The following ANKS1B variants were observed in gnomAD, a reference collection of about 807,000 sequenced individuals.
ANKS1B encodes the protein ankyrin repeat and sterile alpha motif domain containing 1B.
Under a neutral mutation model 148.3 loss-of-function variants are expected in ANKS1B, and 36 were observed. The ratio of observed to expected loss-of-function variants is 0.24; its 90% CI spans 0.19 to 0.32. ANKS1B has a LOEUF of 0.32. Among genes scored for constraint, ANKS1B ranks in the 10% least tolerant of loss-of-function variants. The probability of loss-of-function intolerance (pLI) is 1.00; values close to 1 mark genes in which losing one functional copy is unlikely to be tolerated. For synonymous variants in ANKS1B, 542 were observed against 560.8 expected, an observed-to-expected ratio of 0.97 and a Z score of 0.47; for missense variants, 1,157 against 1,542.6, an observed-to-expected ratio of 0.75 and a Z score of 4.19.
chr12:98,832,069 T>A lies in ANKS1B; in HGVS notation c.2846A>T (p.Asp949Val), dbSNP rs1490761916. The change falls in exon 18 of 27, where the codon GAC becomes GTC. Residue 949 changes from aspartate (D) to valine (V), a missense_variant. By Grantham distance (152) the Asp-to-Val change is radical. Transcript: ENST00000683438. ...CCGAGGGGGCTTCTGTGGGGGATCG[T>A]CGTGCAGCCTGTCTCCCAGAGATGC... ...ILASLGDRLH[D>V]DPPQKPPRSI... is the part of the protein sequence containing the mutation. 6.3e-7 allele frequency: 1 copy of A among 1,598,708 alleles called. No homozygotes were observed. Among genetic ancestry groups the A allele is most frequent in the Non-Finnish European group, 8.5e-7 (1 of 1,172,448 alleles).
intron 1 of ANKS1B, among the ~76,000 whole-genome samples, chr12:99,945,932 C>T (rs916162513): frequency 6.6e-6 from 1 of 152,058 alleles, no homozygotes; most frequent in African/African-American, 2.4e-5. Context: ...TGTTTGGCTC[C>T]CCGAACCTGC....
intron 9 of ANKS1B, among the ~76,000 whole-genome samples, chr12:99,571,650 T>G (rs79211346): frequency 1.3e-5 from 2 of 152,092 alleles, no homozygotes; most frequent in African/African-American, 4.8e-5. Flanking sequence ...ATCCAGAACA[T>G]TGGGGAATAC....
At chr12:99,450,395 G>C (rs964959859) in intron 10 of ANKS1B, among the ~76,000 whole-genome samples, 1 of 152,178 alleles carries the variant, frequency 6.6e-6, no homozygotes, top group African/African-American at 2.4e-5. Context: ...TCACGGACTA[G>C]TTAAGTTGAA....
At chr12:99,415,505 T>G (rs990631181) in intron 11 of ANKS1B, among the ~76,000 whole-genome samples, 2 of 152,206 alleles carry the variant, frequency 1.3e-5, no homozygotes, top group Admixed American at 1.3e-4. Flanking sequence ...ATAGCTTAAT[T>G]TTTTAATTAA....
intron 2 of ANKS1B, among the ~76,000 whole-genome samples, chr12:99,824,698 C>G (rs890404832): frequency 9.2e-5 from 14 of 151,994 alleles, no homozygotes; most frequent in African/African-American, 3.4e-4. Context: ...GGATACCTAG[C>G]TAAAATACTG....
chr12:99,026,615 A>T (rs1178155161), intron 17 of ANKS1B, among the ~76,000 whole-genome samples: 1 of 11,174 alleles, frequency 8.9e-5, no homozygotes, highest in Non-Finnish European at 1.4e-3. Context: ...GAAATGCATT[A>T]AAAATTAAAA....
chr12:99,512,397 A>G (rs1286905237), intron 9 of ANKS1B, among the ~76,000 whole-genome samples: 1 of 152,036 alleles, frequency 6.6e-6, no homozygotes, highest in Non-Finnish European at 1.5e-5. Flanking sequence ...AAGTCAAGAA[A>G]CAACAGATGC....
Position 99,436,084 on chromosome 12 carries a change from T to A in ANKS1B, c.1575+7589A>T, listed in dbSNP as rs1034881532. 2.0e-5 allele frequency among the ~76,000 whole-genome samples: 3 copies of A among 152,046 alleles called. No homozygotes were observed. The South Asian group carries it at 6.2e-4, about 32-fold the overall frequency. Reference sequence around the variant, plus strand: ...TCAGCTTTTGTTGCAAGTCTGGAAATTACTGAATACAGTCTTCTTTGGCTC... The same window carrying A: ...TCAGCTTTTGTTGCAAGTCTGGAAAATACTGAATACAGTCTTCTTTGGCTC... On this transcript the variant is annotated intron_variant, in intron 11 of 26. Transcript: ENST00000683438.
chr12:99,297,468 T>C (rs905557262), intron 12 of ANKS1B, among the ~76,000 whole-genome samples: 1 of 152,226 alleles, frequency 6.6e-6, no homozygotes, highest in Non-Finnish European at 1.5e-5. Context: ...CTTCATTCAT[T>C]GAACCCACCA....
At chr12:99,871,015 T>C (rs2091445905) in intron 1 of ANKS1B, among the ~76,000 whole-genome samples, 1 of 152,202 alleles carries the variant, frequency 6.6e-6, no homozygotes, top group Admixed American at 6.5e-5. Flanking sequence ...ATGTCCAAGA[T>C]ACTGTTTCCA....
chr12:99,887,671 C>A (rs1196016339), intron 1 of ANKS1B, among the ~76,000 whole-genome samples: 1 of 152,188 alleles, frequency 6.6e-6, no homozygotes, highest in African/African-American at 2.4e-5. Context: ...AACATTAAAT[C>A]TATGATACAG....
At chr12:98,810,707 C>T (rs1307267509) in intron 19 of ANKS1B, among the ~76,000 whole-genome samples, 2 of 152,218 alleles carry the variant, frequency 1.3e-5, no homozygotes, top group African/African-American at 4.8e-5. Flanking sequence ...TGGTTACTCC[C>T]AAAGGGGCCA....
intron 14 of ANKS1B, among the ~76,000 whole-genome samples, chr12:99,176,031 T>C (rs950427995): frequency 5.9e-5 from 9 of 152,070 alleles, no homozygotes; most frequent in Admixed American, 4.6e-4. Flanking sequence ...GTATTTTCAG[T>C]AGAGATGGGG....
At chr12:98,734,909 A>C (rs1193881262) in exon 10 of ANKS1B, 4 of 331,904 alleles carry the variant, frequency 1.2e-5, no homozygotes, top group Non-Finnish European at 2.2e-5. Flanking sequence ...AAAGTATAAC[A>C]ACACACATCA....
intron 17 of ANKS1B, among the ~76,000 whole-genome samples, chr12:99,004,766 C>G (rs186289969): frequency 2.4e-3 from 351 of 148,214 alleles, no homozygotes; most frequent in African/African-American, 8.4e-3. Flanking sequence ...CCAGTATCAA[C>G]AGACACTAAA....
intron 14 of ANKS1B, among the ~76,000 whole-genome samples, chr12:99,240,558 C>T (rs893504688): frequency 3.6e-4 from 55 of 152,118 alleles, no homozygotes; most frequent in African/African-American, 9.4e-4. Flanking sequence ...CTGGACCAAG[C>T]GGACATAATA....
In ANKS1B at chr12:99,983,026, G is replaced by A. The variant is rs61941609; in HGVS notation, c.134+1078C>T. 6.4e-3 allele frequency among the ~76,000 whole-genome samples: 977 copies of A among 152,316 alleles called. 10 individuals carry two copies. The highest frequency in any genetic ancestry group is 0.01 in the Non-Finnish European group (701 of 68,030). On this transcript the variant is annotated intron_variant, in intron 1 of 26. Coordinates refer to ENST00000683438, the MANE Select transcript of ANKS1B (RefSeq NM_001352186.2). ...AGTTTCTATTAAGCACTTGTCAAGG[G>A]TAGCATGGAACAGTTTTTAAAAAAC... is the stretch of plus-strand genomic sequence containing the variant.
At chr12:99,286,015 G>T (rs1467190814) in intron 12 of ANKS1B, among the ~76,000 whole-genome samples, 1 of 152,108 alleles carries the variant, frequency 6.6e-6, no homozygotes, top group Admixed American at 6.6e-5. Flanking sequence ...TTCTGATGCT[G>T]TTCTAGGCTC....
intron 10 of ANKS1B, among the ~76,000 whole-genome samples, chr12:99,462,803 C>T (rs1479128601): frequency 6.6e-6 from 1 of 152,168 alleles, no homozygotes; most frequent in Non-Finnish European, 1.5e-5. Flanking sequence ...GGTGCCCTCC[C>T]TGTGGAGGTC....
Sources: allele counts gnomAD v4.1 joint callset (sites outside exome capture counted in the v4.1 genomes callset), GRCh38; gene constraint gnomAD v4.1.1; transcripts MANE v1.5; gene names NCBI Gene and HGNC (gene_info 2026-07-23, HGNC 2026-07-21).